Variants in PPP2R1A observed in about 807,000 individuals in gnomAD.
PPP2R1A encodes protein phosphatase 2 scaffold subunit Aalpha.
PPP2R1A carries 15 observed loss-of-function variants against 67.1 expected under a neutral mutation model. That is an observed-to-expected ratio of 0.22 (90% CI 0.15 to 0.34). The LOEUF (loss-of-function observed/expected upper bound fraction) is 0.34, where lower values mean the gene tolerates loss of function less well. Among genes scored for constraint, PPP2R1A ranks in the 10% least tolerant of loss-of-function variants. PPP2R1A has a pLI of 1.00. For synonymous variants in PPP2R1A, 337 were observed against 325.0 expected (o/e 1.04, Z -0.40); for missense variants, 369 against 775.0 (o/e 0.48, Z 6.22).
At position 52,220,560 on chromosome 19, in the gene PPP2R1A, G is replaced by A. The variant is rs547209227; in HGVS notation, c.1363+311G>A. 3.2e-4 allele frequency among the ~76,000 whole-genome samples: 49 copies of A among 152,252 alleles called. No individual in the cohort carries two copies. The South Asian group carries it at 4.1e-3, about 13-fold the overall frequency. On this transcript the variant is annotated intron_variant, in intron 11 of 14. Transcript: ENST00000322088. ...CAAGTCACCTGCTGTCTTTGAATGA[G>A]CCCCACACTCATTCTTTGAAACTTC...
intron 1 of PPP2R1A, among the ~76,000 whole-genome samples, chr19:52,199,619 T>G (rs1286459400): frequency 1.3e-5 from 2 of 152,220 alleles, no homozygotes; most frequent in Non-Finnish European, 2.9e-5. Flanking sequence ...GCCTGTTTGC[T>G]TCTCTAGTTC....
chr19:52,215,513 A>T (rs1017116041), intron 6 of PPP2R1A, among the ~76,000 whole-genome samples: 4 of 152,214 alleles, frequency 2.6e-5, no homozygotes, highest in Non-Finnish European at 5.9e-5. Context: ...CCTGAATAAT[A>T]TGGAAATGTG....
rs762406137 is a variant in PPP2R1A, at chr19:52,211,686, C to T, written c.503+194C>T. 5.6e-5 allele frequency: 34 copies of T among 606,772 alleles called. 1 individual carries two copies. Among genetic ancestry groups the T allele is most frequent in the South Asian group, 3.9e-4 (19 of 48,470 alleles). 37.6% of individuals were successfully genotyped at this position (606,772 alleles called of 1,614,324 possible). ...CACGGCCACGTGTCAGTTTACCCAC[C>T]TCTGCCCCCTTGCTCACTTAGGAAT... On this transcript the variant is annotated intron_variant, in intron 4 of 14. Coordinates refer to ENST00000322088, the MANE Select transcript of PPP2R1A (RefSeq NM_014225.6). This position sits in a 1 kb window ranked among gnomAD's most constrained non-coding sequence, Gnocchi z 5.3.
At chr19:52,224,658 T>G (rs1456496046) in intron 13 of PPP2R1A, among the ~76,000 whole-genome samples, 1 of 152,192 alleles carries the variant, frequency 6.6e-6, no homozygotes, top group Non-Finnish European at 1.5e-5. Context: ...TTATCATACT[T>G]CTGACCTTTA....
chr19:52,211,379 G>T lies in PPP2R1A; in HGVS notation c.390G>T (p.Pro130=). 6.2e-7 allele frequency: 1 copy of T among 1,614,190 alleles called. No homozygotes were observed. Among genetic ancestry groups the T allele is most frequent in the Non-Finnish European group, 8.5e-7 (1 of 1,180,026 alleles). The change falls in exon 4 of 15, where the codon CCG becomes CCT. Residue 130 remains proline, a synonymous_variant. Coordinates refer to ENST00000322088, the MANE Select transcript of PPP2R1A (RefSeq NM_014225.6). The surrounding 1 kb of genome is among the most constrained non-coding windows in gnomAD (Gnocchi z 5.3). ...CTGACCTGGAGGCGCACTTTGTGCC[G>T]CTAGTGAAGCGGCTGGCGGGCGGCG... ...SPSDLEAHFV[P]LVKRLAGGDW...
chr19:52,196,817 AG>A (rs1009482653), intron 1 of PPP2R1A, among the ~76,000 whole-genome samples: 3 of 152,090 alleles, frequency 2.0e-5, no homozygotes, highest in Admixed American at 2.0e-4. Flanking sequence ...AGGTTACCTC[AG>A]GTCCCCAAGT....
At chr19:52,197,872 A>C (rs774671192) in intron 1 of PPP2R1A, among the ~76,000 whole-genome samples, 5 of 152,208 alleles carry the variant, frequency 3.3e-5, no homozygotes, top group African/African-American at 1.2e-4. Context: ...GTGAGGGTCA[A>C]ATGAATTAAA....
At chr19:52,215,367 A>G (rs1978504795) in intron 6 of PPP2R1A, among the ~76,000 whole-genome samples, 1 of 152,046 alleles carries the variant, frequency 6.6e-6, no homozygotes, top group Non-Finnish European at 1.5e-5. Flanking sequence ...CTATTGTTTT[A>G]TTTTCATTAC....
rs1406588989 is a variant in PPP2R1A, at chr19:52,190,406, C to G, written c.78+232C>G. On this transcript the variant is annotated intron_variant, in intron 1 of 14. Coordinates refer to ENST00000322088, the MANE Select transcript of PPP2R1A (RefSeq NM_014225.6). ...GCTAGCCTCGAGGGTCCCGGGCCTGCCCTGTGCGCGCGGCGGTCCGCGGTC... is the reference window on the plus strand; with the variant it reads ...GCTAGCCTCGAGGGTCCCGGGCCTGGCCTGTGCGCGCGGCGGTCCGCGGTC... 3 of 587,606 alleles carry G rather than the reference C, an allele frequency of 5.1e-6. No homozygotes were observed. In the African/African-American group the frequency reaches 5.8e-5, roughly 11 times the overall value. The allele number at this position is 587,606 out of a possible 1,614,324, so 36.4% of individuals were successfully genotyped here.
At chr19:52,196,826 A>G (rs1421969690) in intron 1 of PPP2R1A, among the ~76,000 whole-genome samples, 2 of 152,128 alleles carry the variant, frequency 1.3e-5, no homozygotes, top group Non-Finnish European at 2.9e-5. Context: ...CAGGTCCCCA[A>G]GTTGGCTGCC....
chr19:52,209,315 T>C (rs923707409), intron 3 of PPP2R1A, among the ~76,000 whole-genome samples: 1 of 152,078 alleles, frequency 6.6e-6, no homozygotes, highest in African/African-American at 2.4e-5. Flanking sequence ...AGGAACTCTG[T>C]CCCTGCAGTA....
At position 52,190,717 on chromosome 19, in the gene PPP2R1A, C is replaced by A. The variant is rs893110279; in HGVS notation, c.78+543C>A. Among the ~76,000 whole-genome samples, 10 of 152,218 alleles carry A rather than the reference C, an allele frequency of 6.6e-5. No homozygotes were observed. The East Asian group carries it at 1.9e-3, about 30-fold the overall frequency. ...TTTAGGTGTCCTAAGAGGACGGGGA[C>A]GCAAAAACACCCCCCCACCAAAGGT... On this transcript the variant is annotated intron_variant, in intron 1 of 14. Coordinates refer to ENST00000322088, the MANE Select transcript of PPP2R1A (RefSeq NM_014225.6).
rs992575193 is a variant in PPP2R1A at position 52,226,505 on chromosome 19, T to C, written c.*524T>C. The C allele has an allele frequency of 4.7e-5, 11 of 232,564 alleles. No homozygotes were observed. Among genetic ancestry groups the C allele is most frequent in the African/African-American group, 2.5e-4 (11 of 44,808 alleles). 14.4% of individuals were successfully genotyped at this position (232,564 alleles called of 1,614,324 possible). A position where few individuals can be genotyped will look rare whatever the true frequency, so the allele number is the denominator to read the frequency against. On this transcript the variant is annotated 3_prime_UTR_variant, in exon 15 of 15. Transcript: ENST00000322088. Reference sequence around the variant, plus strand: ...TCTGCGCTTTTCTCTGGAGAAGATCTTGTTACAGGACCCATTATACCCCTA... The same window carrying C: ...TCTGCGCTTTTCTCTGGAGAAGATCCTGTTACAGGACCCATTATACCCCTA...
At chr19:52,217,948 G>A (rs959670088) in intron 9 of PPP2R1A, among the ~76,000 whole-genome samples, 1 of 152,160 alleles carries the variant, frequency 6.6e-6, no homozygotes, top group South Asian at 2.1e-4. Context: ...GTGAAGGAAG[G>A]ATTGAAGTGA....
chr19:52,226,016 C>A lies in PPP2R1A; in HGVS notation c.*35C>A, dbSNP rs2122383131. Reference sequence around the variant, plus strand: ...AGGAGCAAACACTGGCCTCTGGTGTCCACCCTCCAACCCCCACAAGTCCCT... The same window carrying A: ...AGGAGCAAACACTGGCCTCTGGTGTACACCCTCCAACCCCCACAAGTCCCT... On this transcript the variant is annotated 3_prime_UTR_variant, in exon 15 of 15. Transcript: ENST00000322088. 6.2e-7 allele frequency: 1 copy of A among 1,614,188 alleles called. No homozygotes were observed. Among genetic ancestry groups the A allele is most frequent in the Non-Finnish European group, 8.5e-7 (1 of 1,180,002 alleles).
chr19:52,213,913 A>G lies in PPP2R1A; in HGVS notation c.807+803A>G, dbSNP rs114689762. ...ATCCAGATTGCCTCATCCCACAAAC[A>G]TGTTTGCTGAGCACCAGCTATTTGC... On this transcript the variant is annotated intron_variant, in intron 6 of 14. Coordinates refer to ENST00000322088, the MANE Select transcript of PPP2R1A (RefSeq NM_014225.6). This position sits in a 1 kb window ranked among gnomAD's most constrained non-coding sequence, Gnocchi z 4.2. Among the ~76,000 whole-genome samples, 836 of 152,142 alleles carry G rather than the reference A, an allele frequency of 5.5e-3. 9 individuals carry two copies. The highest frequency in any genetic ancestry group is 0.019 in the African/African-American group (779 of 41,518).
chr19:52,196,172 T>C (rs2089494654), intron 1 of PPP2R1A, among the ~76,000 whole-genome samples: 1 of 151,076 alleles, frequency 6.6e-6, no homozygotes, highest in African/African-American at 2.4e-5. Context: ...GGGGACACAC[T>C]TGGGAGATAG....
intron 1 of PPP2R1A, among the ~76,000 whole-genome samples, chr19:52,198,569 T>G (rs934273961): frequency 6.6e-6 from 1 of 152,140 alleles, no homozygotes; most frequent in African/African-American, 2.4e-5. Flanking sequence ...GGGTGAGCTA[T>G]GGAGGAAGGG....
intron 13 of PPP2R1A, 34 bp downstream of exon 13, chr19:52,222,275 G>A: frequency 6.3e-7 from 1 of 1,598,680 alleles, no homozygotes; most frequent in Non-Finnish European, 8.5e-7. Context: ...ACACTGGCAG[G>A]GGCTTCTTGT....
Sources: gnomAD v4.1 joint callset for allele counts (sites outside exome capture counted in the v4.1 genomes callset) on GRCh38, gnomAD v4.1.1 for gene constraint, Gnocchi (gnomAD v3.1) non-coding constraint, MANE v1.5 for transcripts, NCBI Gene and HGNC (gene_info 2026-07-23, HGNC 2026-07-21) for gene names.